AGBL1: variants seen among roughly 807,000 people sequenced by gnomAD.
The protein encoded by AGBL1 is cytosolic carboxypeptidase 4.
AGBL1 carries 130 observed loss-of-function variants against 118.9 expected under a neutral mutation model. That is an observed-to-expected ratio of 1.09 (90% CI 0.95 to 1.26). The LOEUF is 1.26. Ranked by LOEUF, AGBL1 falls within the 50% of genes most tolerant of loss-of-function variation. AGBL1 has a pLI of 0.00. For synonymous variants in AGBL1, 555 were observed against 478.9 expected, an observed-to-expected ratio of 1.16 and a Z score of -2.08; for missense variants, 1,584 against 1,298.1, an observed-to-expected ratio of 1.22 and a Z score of -3.38.
chr15:86,326,916 T>A (rs1013689663), intron 17 of AGBL1, among the ~76,000 whole-genome samples: 11 of 151,198 alleles, frequency 7.3e-5, no homozygotes, highest in African/African-American at 9.8e-5. Context: ...ATCCTCGAGT[T>A]TTTTTCTTTT....
chr15:86,769,670 G>T (rs547540356), intron 22 of AGBL1, among the ~76,000 whole-genome samples: 2 of 152,122 alleles, frequency 1.3e-5, no homozygotes, highest in South Asian at 2.1e-4. Context: ...CATCGACATT[G>T]GTAGCATTTG....
At chr15:86,739,633 G>T (rs2077649887) in intron 22 of AGBL1, among the ~76,000 whole-genome samples, 1 of 151,710 alleles carries the variant, frequency 6.6e-6, no homozygotes, top group South Asian at 2.1e-4. Context: ...TACTGTACCA[G>T]CTCCCATAAA....
At chr15:86,095,998 A>G (rs914838342) in intron 1 of AGBL1, among the ~76,000 whole-genome samples, 21 of 151,732 alleles carry the variant, frequency 1.4e-4, no homozygotes, top group Non-Finnish European at 2.9e-4. Context: ...ATTTTTTTTC[A>G]TATTTTTGGT....
intron 18 of AGBL1, among the ~76,000 whole-genome samples, chr15:86,471,752 G>A (rs535153491): frequency 4.6e-5 from 7 of 152,200 alleles, no homozygotes; most frequent in African/African-American, 1.4e-4. Context: ...GAAAAATAGA[G>A]GAAATTCTAT....
intron 1 of AGBL1, among the ~76,000 whole-genome samples, chr15:86,114,851 T>C (rs1424670214): frequency 6.6e-6 from 1 of 152,206 alleles, no homozygotes; most frequent in Non-Finnish European, 1.5e-5. Context: ...ACAAGTCTGT[T>C]TCTCAGTGAA....
intron 18 of AGBL1, among the ~76,000 whole-genome samples, chr15:86,432,071 GT>G (rs10718551): frequency 0.66 from 100,944 of 151,998 alleles, 35,752 homozygotes; most frequent in African/African-American, 0.9. Context: ...CCAGGATCAG[GT>G]TTTTAACTCT....
At chr15:86,744,968 C>T (rs1567152368) in intron 22 of AGBL1, among the ~76,000 whole-genome samples, 2 of 152,076 alleles carry the variant, frequency 1.3e-5, no homozygotes, top group Non-Finnish European at 2.9e-5. Context: ...TCGAGAAGTA[C>T]CTATTAGGGA....
intron 22 of AGBL1, among the ~76,000 whole-genome samples, chr15:86,849,565 C>A (rs2079374775): frequency 7.5e-6 from 1 of 132,952 alleles, no homozygotes; most frequent in Admixed American, 8.9e-5. Context: ...AGGAAAATAT[C>A]AGAATTGCAA....
rs148660169 is a variant in AGBL1 at position 86,624,647 on chromosome 15, G to A, written c.2995-49626G>A. ...AGTGAGCCTGAGCTGCAGCCAAAAG[G>A]AGGAATAATCCACTAACTCAGGAGA... is the stretch of plus-strand genomic sequence containing the variant. On this transcript the variant is annotated intron_variant, in intron 21 of 22. Transcript: ENST00000614907. 3.5e-3 allele frequency among the ~76,000 whole-genome samples: 538 copies of A among 152,294 alleles called. 4 individuals carry two copies. The highest frequency in any genetic ancestry group is 0.012 in the African/African-American group (503 of 41,568).
chr15:86,170,592 C>T (rs568013750), intron 5 of AGBL1, among the ~76,000 whole-genome samples: 1 of 152,044 alleles, frequency 6.6e-6, no homozygotes, highest in East Asian at 1.9e-4. Context: ...TGCCTGTAAT[C>T]CCAGCACTTT....
At chr15:86,756,314 A>G (rs1390766163) in intron 22 of AGBL1, among the ~76,000 whole-genome samples, 1 of 151,802 alleles carries the variant, frequency 6.6e-6, no homozygotes, top group Non-Finnish European at 1.5e-5. Flanking sequence ...GAAGTTTGCT[A>G]TGTAATCTTC....
Position 86,247,724 on chromosome 15 carries a change from C to T in AGBL1, c.580C>T (p.Leu194=), listed in dbSNP as rs2141992417. The change falls in exon 7 of 23, where the codon CTG becomes TTG. Residue 194 remains leucine (L), a synonymous_variant. Transcript: ENST00000614907. ...AGGCTACGTCACCAGCCTGCTCGGGCTGCACCAGGACTGGCACAGCCATGA... is the reference window on the plus strand; with the variant it reads ...AGGCTACGTCACCAGCCTGCTCGGGTTGCACCAGGACTGGCACAGCCATGA... ...NRGYVTSLLG[L]HQDWHSHDTA... is the part of the protein sequence containing the mutation. 1.2e-6 allele frequency: 2 copies of T among 1,613,614 alleles called. No individual in the cohort carries two copies. The highest frequency in any genetic ancestry group is 1.7e-6 in the Non-Finnish European group (2 of 1,179,740).
At chr15:87,016,084 A>G (rs1056198588) in intron 24 of AGBL1, among the ~76,000 whole-genome samples, 3 of 152,200 alleles carry the variant, frequency 2.0e-5, no homozygotes, top group Admixed American at 2.0e-4. Flanking sequence ...AGCCAGAACC[A>G]TCCTAGCTGA....
At chr15:86,577,092 G>T (rs981607743) in intron 21 of AGBL1, among the ~76,000 whole-genome samples, 1 of 152,206 alleles carries the variant, frequency 6.6e-6, no homozygotes, top group African/African-American at 2.4e-5. Context: ...GGAGGGTTCA[G>T]AAGAAGACAG....
chr15:86,346,461 C>T (rs2141892107), intron 17 of AGBL1, among the ~76,000 whole-genome samples: 1 of 152,182 alleles, frequency 6.6e-6, no homozygotes, highest in African/African-American at 2.4e-5. Context: ...ATTCTCCTGC[C>T]TCAGCCTCCC....
At chr15:86,968,169 T>G (rs186687048) in intron 23 of AGBL1, among the ~76,000 whole-genome samples, 3 of 151,742 alleles carry the variant, frequency 2.0e-5, no homozygotes, top group Non-Finnish European at 4.4e-5. Flanking sequence ...CCAAAATCAT[T>G]TGGAGTAGTG....
intron 21 of AGBL1, chr15:86,556,204 C>T: frequency 6.2e-7 from 1 of 1,605,944 alleles, no homozygotes; most frequent in Non-Finnish European, 8.5e-7. Flanking sequence ...CAGGCCCTCA[C>T]CAACTCTCTA....
chr15:86,702,639 A>G (rs957958301), intron 22 of AGBL1, among the ~76,000 whole-genome samples: 1 of 152,128 alleles, frequency 6.6e-6, no homozygotes, highest in Non-Finnish European at 1.5e-5. Flanking sequence ...TCATTGCACT[A>G]TCCTCTTTGT....
intron 5 of AGBL1, among the ~76,000 whole-genome samples, chr15:86,207,321 A>G (rs1460796214): frequency 1.3e-5 from 2 of 152,144 alleles, no homozygotes; most frequent in Admixed American, 1.3e-4. Flanking sequence ...ATGAACTTTA[A>G]AAAGTAGATT....
Sources: gnomAD v4.1 joint callset for allele counts (sites outside exome capture counted in the v4.1 genomes callset) on GRCh38, gnomAD v4.1.1 for gene constraint, MANE v1.5 for transcripts, NCBI Gene and HGNC (gene_info 2026-07-23, HGNC 2026-07-21) for gene names.